AP4E1: variants seen among roughly 807,000 people sequenced by gnomAD.
The protein encoded by AP4E1 is AP-4 complex subunit epsilon-1.
Under a neutral mutation model 128.2 loss-of-function variants are expected in AP4E1, and 56 were observed. The observed-to-expected ratio is 0.44, with a 90% CI of 0.35 to 0.55. The LOEUF is 0.55. AP4E1 is among the 20% of genes least tolerant of loss of function. AP4E1 has a pLI of 0.00. For synonymous variants in AP4E1, 484 were observed against 473.1 expected (o/e 1.02, Z -0.30); for missense variants, 1,324 against 1,307.7 (o/e 1.01, Z -0.19).
chr15:50,937,617 C>T (rs912966408), intron 8 of AP4E1, among the ~76,000 whole-genome samples: 6 of 152,094 alleles, frequency 3.9e-5, no homozygotes, highest in East Asian at 3.9e-4. Flanking sequence ...GTAGGAGTTC[C>T]GAGGAAGTAG....
At position 51,001,129 on chromosome 15, in the gene AP4E1, T is replaced by C; in HGVS notation, c.3199T>C (p.Ser1067Pro). 1 of 1,613,720 alleles carries C rather than the reference T, an allele frequency of 6.2e-7. No homozygotes were observed. ...KMSESQAALPSALKTLQQKLR... is the reference protein window; with the variant it reads ...KMSESQAALPPALKTLQQKLR... ...GTCAGAATCTCAAGCTGCACTTCCT[T>C]CTGCACTAAAGACTCTGCAACAGAA... The change falls in exon 20 of 21, where the codon TCT becomes CCT. Residue 1067 changes from serine to proline, a missense_variant. Coordinates refer to ENST00000261842, the MANE Select transcript of AP4E1 (RefSeq NM_007347.5).
At position 50,941,503 on chromosome 15, in the gene AP4E1, G is replaced by C; in HGVS notation, c.1005G>C (p.Glu335Asp). The change falls in exon 9 of 21, where the codon GAG (glutamate) becomes GAC (aspartate). Residue 335 changes from glutamate to aspartate, a missense_variant. Coordinates refer to ENST00000261842, the MANE Select transcript of AP4E1 (RefSeq NM_007347.5). ...YSIYPKSELLEKAAKCIGKFV... is the reference protein window; with the variant it reads ...YSIYPKSELLDKAAKCIGKFV... The stretch of plus-strand genomic sequence containing the variant: ...TTTATCCTAAATCGGAATTACTTGA[G>C]AAGGCTGCCAAGTGCATTGGAAAAT... 1 of 1,613,094 alleles carries C rather than the reference G, an allele frequency of 6.2e-7. No individual in the cohort carries two copies. The highest frequency in any genetic ancestry group is 8.5e-7 in the Non-Finnish European group (1 of 1,179,526).
At chr15:50,970,927 CA>C (rs71426056) in intron 15 of AP4E1, among the ~76,000 whole-genome samples, 20,925 of 152,150 alleles carry the variant, frequency 0.14, 1,578 homozygotes, top group South Asian at 0.19. Flanking sequence ...GGGTATTTTA[CA>C]TATGCTTTGT....
chr15:50,912,047 A>G (rs772855807), intron 1 of AP4E1, 31 bp from the exon 2 acceptor site: 1 of 1,539,512 alleles, frequency 6.5e-7, no homozygotes, highest in East Asian at 2.2e-5. Context: ...AAGACAGTTA[A>G]TCAAGCATTT....
intron 6 of AP4E1, among the ~76,000 whole-genome samples, chr15:50,929,391 T>G (rs2063805105): frequency 6.6e-6 from 1 of 152,088 alleles, no homozygotes. Flanking sequence ...TTGATGTTAC[T>G]AAACAGGTGT....
rs560902307 is a variant in AP4E1 at position 50,968,694 on chromosome 15, C to T, written c.1966+317C>T. 2.0e-5 allele frequency among the ~76,000 whole-genome samples: 3 copies of T among 152,288 alleles called. No homozygotes were observed. In the South Asian group the frequency reaches 6.2e-4, roughly 32 times the overall value. ...CCAGGCTGCTGTGCAGTGGCACGATCTGGGCTTACTGCAACCTCTGCCTCC... is the reference window on the plus strand; with the variant it reads ...CCAGGCTGCTGTGCAGTGGCACGATTTGGGCTTACTGCAACCTCTGCCTCC... On this transcript the variant is annotated intron_variant, in intron 15 of 20. Transcript: ENST00000261842.
Position 50,973,347 on chromosome 15 carries a change from C to T in AP4E1, c.1966+4970C>T, listed in dbSNP as rs78563921. 5.2e-3 allele frequency among the ~76,000 whole-genome samples: 792 copies of T among 152,248 alleles called. 8 individuals are homozygous for T. The highest frequency in any genetic ancestry group is 0.018 in the African/African-American group (760 of 41,566). Reference sequence around the variant, plus strand: ...ACATTATTAATAGGCCTGATGTTCTCTTTTTCCAGAAGCATTTGCTCTTTT... The same window carrying T: ...ACATTATTAATAGGCCTGATGTTCTTTTTTTCCAGAAGCATTTGCTCTTTT... On this transcript the variant is annotated intron_variant, in intron 15 of 20. Coordinates refer to ENST00000261842, the MANE Select transcript of AP4E1 (RefSeq NM_007347.5).
rs1274173683 is a variant in AP4E1, at chr15:50,993,423, A to G, written c.2144A>G (p.Tyr715Cys). Reference sequence around the variant, plus strand: ...AAGAAATTGTGGGGGAAAGAAGGCTATCTTCCCAAGAAGGAAAGCAAAACT... The same window carrying G: ...AAGAAATTGTGGGGGAAAGAAGGCTGTCTTCCCAAGAAGGAAAGCAAAACT... Reference protein sequence around the residue: ...GIKKLWGKEGYLPKKESKTGD... With the variant: ...GIKKLWGKEGCLPKKESKTGD... Residue 715 changes from tyrosine (Y) to cysteine (C), a missense_variant, in exon 17 of 21, where the codon TAT becomes TGT. Transcript: ENST00000261842. 2.5e-6 allele frequency: 4 copies of G among 1,613,970 alleles called. No individual in the cohort carries two copies. Among genetic ancestry groups the G allele is most frequent in the Middle Eastern group, 1.7e-4 (1 of 6,060 alleles).
rs138021104 is a variant in AP4E1 at position 50,982,309 on chromosome 15, G to A, written c.1967-1713G>A. 4.0e-3 allele frequency among the ~76,000 whole-genome samples: 604 copies of A among 152,058 alleles called. 1 individual carries two copies. The highest frequency in any genetic ancestry group is 0.014 in the African/African-American group (580 of 41,474). ...GCATTGTCTTATAGCAACATAAAAC[G>A]GACTATGATTAAGTTAGATGATTAA... On this transcript the variant is annotated intron_variant, in intron 15 of 20. Coordinates refer to ENST00000261842, the MANE Select transcript of AP4E1 (RefSeq NM_007347.5).
rs1349346182 is a variant in AP4E1, at chr15:50,993,593, G to A, written c.2314G>A (p.Val772Ile). 1 of 1,613,974 alleles carries A rather than the reference G, an allele frequency of 6.2e-7. No homozygotes were observed. The highest frequency in any genetic ancestry group is 8.5e-7 in the Non-Finnish European group (1 of 1,179,900). The change falls in exon 17 of 21, where the codon GTT becomes ATT. Residue 772 changes from valine to isoleucine, a missense_variant. By Grantham distance (29) the Val-to-Ile change is conservative (BLOSUM62 3). Transcript: ENST00000261842. ...EKQLLASSLFVGLGSESTINL... is the reference protein window; with the variant it reads ...EKQLLASSLFIGLGSESTINL... ...GCAGCTGCTGGCATCATCATTATTT[G>A]TTGGTCTAGGATCAGAAAGTACAAT... is the stretch of plus-strand genomic sequence containing the variant.
chr15:50,926,249 G>A (rs2063768404), intron 5 of AP4E1, among the ~76,000 whole-genome samples: 1 of 151,746 alleles, frequency 6.6e-6, no homozygotes. Flanking sequence ...GCAGTTCTCT[G>A]CCTCAGCCTC....
intron 3 of AP4E1, among the ~76,000 whole-genome samples, chr15:50,917,467 G>A (rs1435034751): frequency 2.6e-5 from 4 of 151,912 alleles, no homozygotes; most frequent in Admixed American, 2.6e-4. Flanking sequence ...TTACATATTA[G>A]CTTACAGCAA....
chr15:50,985,227 A>G (rs2064703740), intron 16 of AP4E1, among the ~76,000 whole-genome samples: 2 of 152,114 alleles, frequency 1.3e-5, no homozygotes, highest in African/African-American at 4.8e-5. Flanking sequence ...TCAGATGAGT[A>G]GATTGCAAAA....
At chr15:50,988,023 C>G (rs2064752551) in intron 16 of AP4E1, among the ~76,000 whole-genome samples, 1 of 152,018 alleles carries the variant, frequency 6.6e-6, no homozygotes, top group Admixed American at 6.6e-5. Flanking sequence ...TTTAACATAT[C>G]ATTCTACATT....
At chr15:50,981,047 G>A (rs1202372746) in intron 15 of AP4E1, among the ~76,000 whole-genome samples, 1 of 152,164 alleles carries the variant, frequency 6.6e-6, no homozygotes, top group Non-Finnish European at 1.5e-5. Context: ...GCATCACAGA[G>A]AGTCCCCACC....
At chr15:50,920,269 G>A (rs1326414619) in intron 3 of AP4E1, among the ~76,000 whole-genome samples, 2 of 151,546 alleles carry the variant, frequency 1.3e-5, no homozygotes, top group Non-Finnish European at 2.9e-5. Context: ...GCCTGCCACC[G>A]TGCCTAGCTA....
chr15:51,002,564 G>A lies in AP4E1; in HGVS notation c.3316G>A (p.Val1106Ile). The change falls in exon 21 of 21, where the codon GTT (valine) becomes ATT (isoleucine). Residue 1106 changes from valine to isoleucine, a missense_variant. Physicochemically the swap from Val to Ile is conservative, Grantham distance 29. Transcript: ENST00000261842. ...CATCCCCTGCTTACTGCATTGCCGA[G>A]TTCATGCAGATGTATTAGCCCTGTG... ...PSIPCLLHCR[V>I]HADVLALWFR... 1.2e-6 allele frequency: 2 copies of A among 1,614,148 alleles called. No homozygotes were observed. The highest frequency in any genetic ancestry group is 2.2e-5 in the South Asian group (2 of 91,086).
Position 50,990,016 on chromosome 15 carries a change from G to A in AP4E1, c.2091-3354G>A, listed in dbSNP as rs138291305. Among the ~76,000 whole-genome samples, 760 of 152,214 alleles carry A rather than the reference G, an allele frequency of 5.0e-3. 11 individuals carry two copies. The highest frequency in any genetic ancestry group is 0.018 in the African/African-American group (735 of 41,536). ...CAACCTGAGAATAAAGTAGTAGCAA[G>A]TCTAATTTATAATTTCTTAACTGGC... On this transcript the variant is annotated intron_variant, in intron 16 of 20. Coordinates refer to ENST00000261842, the MANE Select transcript of AP4E1 (RefSeq NM_007347.5).
At chr15:50,977,722 T>TTTTTTTC (rs2064577304) in intron 15 of AP4E1, among the ~76,000 whole-genome samples, 4 of 148,872 alleles carry the variant, frequency 2.7e-5, no homozygotes, top group Non-Finnish European at 6.0e-5. Flanking sequence ...TTTTTTTTTT[T>TTTTTTTC]TTTTAGACAG....
Sources: gnomAD v4.1 joint callset for allele counts (sites outside exome capture counted in the v4.1 genomes callset) on GRCh38, gnomAD v4.1.1 for gene constraint, MANE v1.5 for transcripts, NCBI Gene and HGNC (gene_info 2026-07-23, HGNC 2026-07-21) for gene names.